The following NECAB1 variants were observed in gnomAD, a reference collection of about 807,000 sequenced individuals.
NECAB1 encodes N-terminal EF-hand calcium-binding protein 1.
In NECAB1, 29 loss-of-function variants were observed where a neutral mutation model predicts 57.5. The observed-to-expected ratio is 0.50, with a 90% CI of 0.38 to 0.69. The LOEUF is 0.69. NECAB1 is among the 30% of genes least tolerant of loss of function. The pLI is 0.00. For missense variants in NECAB1, 372 were observed against 413.8 expected, an observed-to-expected ratio of 0.90 and a Z score of 0.88; for synonymous variants, 142 against 147.7, an observed-to-expected ratio of 0.96 and a Z score of 0.28.
intron 3 of NECAB1, among the ~76,000 whole-genome samples, chr8:90,861,885 C>T (rs1808393185): frequency 6.6e-6 from 1 of 152,044 alleles, no homozygotes. Context: ...AGATTTAAGT[C>T]CAAGTTTGAA....
intron 3 of NECAB1, among the ~76,000 whole-genome samples, chr8:90,865,358 C>T (rs780802772): frequency 9.9e-5 from 15 of 152,108 alleles, no homozygotes; most frequent in Non-Finnish European, 1.5e-4. Context: ...ATAGACTGGA[C>T]TCCTATAGAC....
chr8:90,858,713 A>G (rs930035580), intron 3 of NECAB1, among the ~76,000 whole-genome samples: 1 of 151,986 alleles, frequency 6.6e-6, no homozygotes, highest in African/African-American at 2.4e-5. Context: ...GGGGCCAAAC[A>G]GCATTACAAA....
At chr8:90,881,681 A>G (rs1483631489) in intron 5 of NECAB1, among the ~76,000 whole-genome samples, 1 of 152,202 alleles carries the variant, frequency 6.6e-6, no homozygotes, top group Non-Finnish European at 1.5e-5. Context: ...AACAGAAGCC[A>G]CTATGCTTCC....
Position 90,864,642 on chromosome 8 carries a change from G to A in NECAB1, c.234-7486G>A, listed in dbSNP as rs905919123. 3.3e-5 allele frequency among the ~76,000 whole-genome samples: 5 copies of A among 151,768 alleles called. No individual in the cohort carries two copies. In the East Asian group the frequency reaches 9.7e-4, roughly 29 times the overall value. On this transcript the variant is annotated intron_variant, in intron 3 of 12. Coordinates refer to ENST00000417640, the MANE Select transcript of NECAB1 (RefSeq NM_022351.5). ...TTATCACAGGGATTCTAAAGATTTG[G>A]GGTCATTATTATTATTTATTCATTT... is the stretch of plus-strand genomic sequence containing the variant.
chr8:90,932,720 G>A (rs1188088259), intron 8 of NECAB1, among the ~76,000 whole-genome samples: 1 of 152,122 alleles, frequency 6.6e-6, no homozygotes, highest in African/African-American at 2.4e-5. Flanking sequence ...ATTATTAACA[G>A]GCATATGTTA....
chr8:90,882,873 C>T (rs142687358), intron 5 of NECAB1, among the ~76,000 whole-genome samples: 1 of 152,178 alleles, frequency 6.6e-6, no homozygotes, highest in East Asian at 1.9e-4. Context: ...CAATTAAAAT[C>T]ATACTCAAAA....
intron 1 of NECAB1, among the ~76,000 whole-genome samples, chr8:90,795,706 T>TCACACA (rs1385184275): frequency 1.5e-5 from 2 of 136,322 alleles, no homozygotes; most frequent in African/African-American, 6.6e-5. Flanking sequence ...ACCTCATCTC[T>TCACACA]CTCACACACA....
At chr8:90,842,421 G>T (rs1462044842) in intron 3 of NECAB1, among the ~76,000 whole-genome samples, 1 of 152,180 alleles carries the variant, frequency 6.6e-6, no homozygotes, top group Non-Finnish European at 1.5e-5. Context: ...GTGGAGGGTA[G>T]GAGTGAGGGT....
At chr8:90,812,434 C>T (rs1041127438) in intron 2 of NECAB1, among the ~76,000 whole-genome samples, 2 of 152,092 alleles carry the variant, frequency 1.3e-5, no homozygotes, top group African/African-American at 2.4e-5. Context: ...TGACATTAAA[C>T]GGATTTTTTT....
At chr8:90,802,788 TCA>T (rs1183691472) in intron 2 of NECAB1, among the ~76,000 whole-genome samples, 3 of 152,260 alleles carry the variant, frequency 2.0e-5, no homozygotes, top group Non-Finnish European at 4.4e-5. Flanking sequence ...AAATATTTTC[TCA>T]GACTGTGTTG....
At chr8:90,797,027 G>T (rs994473073) in intron 1 of NECAB1, among the ~76,000 whole-genome samples, 4 of 152,150 alleles carry the variant, frequency 2.6e-5, no homozygotes, top group Admixed American at 6.5e-5. Context: ...TAGAATCTTA[G>T]AATGAACCAA....
intron 1 of NECAB1, among the ~76,000 whole-genome samples, chr8:90,800,052 A>G (rs972179878): frequency 2.0e-5 from 3 of 152,026 alleles, no homozygotes; most frequent in South Asian, 2.1e-4. Flanking sequence ...TAGGTATTTT[A>G]TTTTTTGTGT....
chr8:90,801,559 T>G (rs1811758116), intron 1 of NECAB1, 132 bp from the exon 2 acceptor site: 1 of 664,648 alleles, frequency 1.5e-6, no homozygotes, highest in Non-Finnish European at 2.6e-6. Context: ...TAAAGAAAGA[T>G]CTCAATTGGG....
intron 3 of NECAB1, among the ~76,000 whole-genome samples, chr8:90,863,303 A>C (rs948739984): frequency 6.6e-6 from 1 of 152,146 alleles, no homozygotes; most frequent in Non-Finnish European, 1.5e-5. Flanking sequence ...AAGATCAAGC[A>C]TGCATTTTAT....
intron 4 of NECAB1, among the ~76,000 whole-genome samples, chr8:90,872,793 T>G (rs1808643284): frequency 6.6e-6 from 1 of 152,204 alleles, no homozygotes; most frequent in Admixed American, 6.5e-5. Flanking sequence ...TATCTTTCTC[T>G]GAATACTGGA....
intron 1 of NECAB1, among the ~76,000 whole-genome samples, chr8:90,792,925 T>C (rs1811599670): frequency 6.6e-6 from 1 of 152,168 alleles, no homozygotes; most frequent in Non-Finnish European, 1.5e-5. Flanking sequence ...GTCACATTCA[T>C]GCTGTTGCCG....
chr8:90,957,758 C>T lies in NECAB1; in HGVS notation c.*2246C>T, dbSNP rs1811058590. 1 of 145,344 alleles carries T rather than the reference C, an allele frequency of 6.9e-6. No homozygotes were observed. The highest frequency in any genetic ancestry group is 2.1e-4 in the South Asian group (1 of 4,662). 9.0% of individuals were successfully genotyped at this position (145,344 alleles called of 1,614,324 possible). ...TATAAATATCTCATCCTAAAGTAAA[C>T]AATAAGTTTATAGTTAACGAAGATT... On this transcript the variant is annotated 3_prime_UTR_variant, in exon 13 of 13. Transcript: ENST00000417640.
intron 8 of NECAB1, among the ~76,000 whole-genome samples, chr8:90,932,179 A>G (rs1264789229): frequency 6.6e-6 from 1 of 152,174 alleles, no homozygotes; most frequent in Non-Finnish European, 1.5e-5. Flanking sequence ...GTGGTCAAGG[A>G]GATTACTAGG....
At chr8:90,817,821 A>G (rs1812083259) in intron 2 of NECAB1, among the ~76,000 whole-genome samples, 1 of 151,874 alleles carries the variant, frequency 6.6e-6, no homozygotes, top group Non-Finnish European at 1.5e-5. Context: ...TGCTAGCTTC[A>G]TAGAATGAAT....
Sources: gnomAD v4.1 joint callset for allele counts (sites outside exome capture counted in the v4.1 genomes callset) on GRCh38, gnomAD v4.1.1 for gene constraint, MANE v1.5 for transcripts, NCBI Gene and HGNC (gene_info 2026-07-23, HGNC 2026-07-21) for gene names.